PCDHAC1: variants seen among roughly 807,000 people sequenced by gnomAD.
PCDHAC1 encodes the protein protocadherin alpha subfamily C, 1, also known as protocadherin alpha-C1.
Under a neutral mutation model 60.0 loss-of-function variants are expected in PCDHAC1, and 42 were observed. The observed-to-expected ratio is 0.70, with a 90% CI of 0.55 to 0.90. PCDHAC1 has a LOEUF of 0.90. PCDHAC1 is among the 40% of genes least tolerant of loss of function. The probability of loss-of-function intolerance (pLI) is 0.00; values close to 1 mark genes in which losing one functional copy is unlikely to be tolerated. For synonymous variants in PCDHAC1, 468 were observed against 499.3 expected (o/e 0.94, Z 0.84); for missense variants, 1,160 against 1,222.3 (o/e 0.95, Z 0.76).
intron 1 of PCDHAC1, chr5:140,966,733 C>T: frequency 7.1e-7 from 1 of 1,416,484 alleles, no homozygotes; most frequent in Non-Finnish European, 9.2e-7. Context: ...CCGCCTCCGG[C>T]CCTGCCCGGC....
At position 141,010,202 on chromosome 5, in the gene PCDHAC1, G is replaced by C; in HGVS notation, c.*265G>C. 6.4e-7 allele frequency: 1 copy of C among 1,551,944 alleles called. No homozygotes were observed. The highest frequency in any genetic ancestry group is 8.7e-7 in the Non-Finnish European group (1 of 1,147,050). The stretch of plus-strand genomic sequence containing the variant: ...CAGACCCAAGTTTCCTTTCTCCTCC[G>C]CCGCAAAGGAGAGGCTTCCCAGCCC... On this transcript the variant is annotated 3_prime_UTR_variant, in exon 4 of 4. Coordinates refer to ENST00000253807, the MANE Select transcript of PCDHAC1 (RefSeq NM_018898.5).
At chr5:140,943,321 G>C (rs1012061757) in intron 1 of PCDHAC1, among the ~76,000 whole-genome samples, 3 of 150,454 alleles carry the variant, frequency 2.0e-5, no homozygotes, top group Non-Finnish European at 4.4e-5. Flanking sequence ...TAGCAATATT[G>C]TGTAGTATCC....
At chr5:140,991,167 G>T (rs186627829) in intron 3 of PCDHAC1, among the ~76,000 whole-genome samples, 2 of 152,270 alleles carry the variant, frequency 1.3e-5, no homozygotes, top group Non-Finnish European at 2.9e-5. Flanking sequence ...TATTCCCATT[G>T]TCAAGCAGGA....
At chr5:140,970,791 T>A (rs2096434096) in intron 1 of PCDHAC1, among the ~76,000 whole-genome samples, 2 of 152,210 alleles carry the variant, frequency 1.3e-5, no homozygotes, top group South Asian at 2.1e-4. Flanking sequence ...GTATGTAATA[T>A]CCATATTGTT....
Position 140,929,282 on chromosome 5 carries a change from A to T in PCDHAC1, c.2390A>T (p.Gln797Leu). Residue 797 changes from glutamine (Q) to leucine (L), a missense_variant, in exon 1 of 4, where the codon CAG becomes CTG. Around this residue, in one of 3 missense-constraint regions of PCDHAC1, gnomAD observed 1,113 missense variants for 1,163.7 expected, o/e 0.96. Transcript: ENST00000253807. Reference protein sequence around the residue: ...VGLNLPISCIQIRNRKGDHAN... With the variant: ...VGLNLPISCILIRNRKGDHAN... ...CTGAATTTGCCAATATCCTGTATTC[A>T]GATTCGGAATAGGAAAGGGGATCAC... The T allele has an allele frequency of 6.2e-7, 1 of 1,601,564 alleles. No homozygotes were observed. Among genetic ancestry groups the T allele is most frequent in the South Asian group, 1.1e-5 (1 of 89,876 alleles).
chr5:140,947,778 G>A (rs2094175732), intron 1 of PCDHAC1, among the ~76,000 whole-genome samples: 2 of 151,456 alleles, frequency 1.3e-5, no homozygotes, highest in South Asian at 4.1e-4. Context: ...TATTGTAAAT[G>A]GATTTTAAAC....
chr5:140,987,358 T>C (rs1554249108), intron 3 of PCDHAC1, among the ~76,000 whole-genome samples: 2 of 152,208 alleles, frequency 1.3e-5, no homozygotes, highest in Non-Finnish European at 2.9e-5. Context: ...CCTGAGGTTG[T>C]CTTATATCAT....
Position 141,011,146 on chromosome 5 carries a change from C to T in PCDHAC1, c.*1209C>T, listed in dbSNP as rs1180133019. On this transcript the variant is annotated 3_prime_UTR_variant, in exon 4 of 4. Transcript: ENST00000253807. ...TATGTGCACTTTGATACACAACCTT[C>T]TCTAACCAACTATATATCAAGACCC... The T allele has an allele frequency of 6.5e-6, 1 of 153,746 alleles. No individual in the cohort carries two copies. The highest frequency in any genetic ancestry group is 2.1e-4 in the South Asian group (1 of 4,824). The allele number at this position is 153,746 out of a possible 1,614,324, so 9.5% of individuals were successfully genotyped here.
At chr5:140,987,432 T>G (rs1401623974) in intron 3 of PCDHAC1, among the ~76,000 whole-genome samples, 1 of 152,152 alleles carries the variant, frequency 6.6e-6, no homozygotes, top group Non-Finnish European at 1.5e-5. Flanking sequence ...GCAGGGGGCC[T>G]TTCCCCATGC....
chr5:140,928,928 C>T lies in PCDHAC1; in HGVS notation c.2036C>T (p.Ala679Val). The T allele has an allele frequency of 1.9e-6, 3 of 1,614,130 alleles. No homozygotes were observed. The highest frequency in any genetic ancestry group is 2.5e-6 in the Non-Finnish European group (3 of 1,180,036). Residue 679 changes from alanine (A) to valine (V), a missense_variant, in exon 1 of 4, where the codon GCC becomes GTC. Physicochemically the swap from Ala to Val is moderately conservative, Grantham distance 64 (BLOSUM62 0). Transcript: ENST00000253807. Reference sequence around the variant, plus strand: ...TGGGAACCAGGAGGGCAGCTTTCTGCCCAGAACTTGTATTTAGTAATTGCC... The same window carrying T: ...TGGGAACCAGGAGGGCAGCTTTCTGTCCAGAACTTGTATTTAGTAATTGCC... ...DVWEPGGQLS[A>V]QNLYLVIALA... is the part of the protein sequence containing the mutation.
At chr5:140,958,530 A>G (rs1283308982) in intron 1 of PCDHAC1, among the ~76,000 whole-genome samples, 1 of 152,188 alleles carries the variant, frequency 6.6e-6, no homozygotes, top group East Asian at 1.9e-4. Flanking sequence ...TACTATGTGT[A>G]CATTGATTTA....
intron 1 of PCDHAC1, among the ~76,000 whole-genome samples, chr5:140,965,785 T>C (rs1315730975): frequency 1.3e-5 from 2 of 152,222 alleles, no homozygotes; most frequent in East Asian, 3.8e-4. Context: ...GCCTACAGCT[T>C]CATGGAGACT....
Position 140,927,484 on chromosome 5 carries a change from A to G in PCDHAC1, c.592A>G (p.Thr198Ala), listed in dbSNP as rs1554204601. The change falls in exon 1 of 4, where the codon ACC (threonine) becomes GCC (alanine). Residue 198 changes from threonine to alanine, a missense_variant. This residue lies in a region of PCDHAC1 where 1,113 missense variants were observed against 1,163.7 expected (regional missense o/e 0.96). Coordinates refer to ENST00000253807, the MANE Select transcript of PCDHAC1 (RefSeq NM_018898.5). ...EKALDREQRATHLLVLTARDG... is the reference protein window; with the variant it reads ...EKALDREQRAAHLLVLTARDG... The stretch of plus-strand genomic sequence containing the variant: ...AGCACTGGATCGCGAACAGCGCGCC[A>G]CCCACCTGCTGGTGCTTACAGCTCG... 1.2e-6 allele frequency: 2 copies of G among 1,613,906 alleles called. No individual in the cohort carries two copies. Among genetic ancestry groups the G allele is most frequent in the East Asian group, 2.2e-5 (1 of 44,888 alleles).
At chr5:140,940,934 G>A (rs155815) in intron 1 of PCDHAC1, among the ~76,000 whole-genome samples, 48,303 of 152,082 alleles carry the variant, frequency 0.32, 8,018 homozygotes, top group East Asian at 0.53. Flanking sequence ...TGGCTACTTA[G>A]ACTACGTATT....
intron 1 of PCDHAC1, among the ~76,000 whole-genome samples, chr5:140,937,697 G>A (rs2091687536): frequency 6.6e-6 from 1 of 151,910 alleles, no homozygotes; most frequent in Non-Finnish European, 1.5e-5. Flanking sequence ...CGGATCACGA[G>A]GTCAGGAGAT....
At chr5:140,978,924 GA>G (rs781894146) in intron 1 of PCDHAC1, 24 bp from the exon 2 acceptor site, 202 of 1,613,894 alleles carry the variant, frequency 1.3e-4, no homozygotes, top group Middle Eastern at 6.6e-4. Context: ...CATTTTAACA[GA>G]AAACTCTCTT....
rs1435633972 is a variant in PCDHAC1, at chr5:140,926,329, A to G, written c.-564A>G. The G allele has an allele frequency of 6.6e-6, 1 of 152,150 alleles. No homozygotes were observed. Among genetic ancestry groups the G allele is most frequent in the Non-Finnish European group, 1.5e-5 (1 of 68,064 alleles). The allele number at this position is 152,150 out of a possible 1,614,324, so 9.4% of individuals were successfully genotyped here. On this transcript the variant is annotated 5_prime_UTR_variant, in exon 1 of 4. Coordinates refer to ENST00000253807, the MANE Select transcript of PCDHAC1 (RefSeq NM_018898.5). ...CGCCGGAGAGGTGCGCCGGGGTCAG[A>G]GCGCCGGGACCCGACGCGCGGCTCC...
chr5:140,957,328 G>A (rs1312649094), intron 1 of PCDHAC1, among the ~76,000 whole-genome samples: 1 of 152,134 alleles, frequency 6.6e-6, no homozygotes, highest in Admixed American at 6.5e-5. Context: ...GCACAGTACA[G>A]TAAGATATTT....
At chr5:140,961,604 T>C (rs2095623962) in intron 1 of PCDHAC1, among the ~76,000 whole-genome samples, 1 of 152,190 alleles carries the variant, frequency 6.6e-6, no homozygotes, top group Non-Finnish European at 1.5e-5. Context: ...TTCTAGTAAA[T>C]GAAACTAAAG....
Sources: allele counts gnomAD v4.1 joint callset (sites outside exome capture counted in the v4.1 genomes callset), GRCh38; gene constraint gnomAD v4.1.1; regional missense constraint gnomAD v4.1.1; transcripts MANE v1.5; gene names NCBI Gene and HGNC (gene_info 2026-07-23, HGNC 2026-07-21).